Variants in CDK15 observed in about 807,000 individuals in gnomAD.
CDK15 encodes the protein cyclin dependent kinase 15, also known as cyclin-dependent kinase 15.
Under a neutral mutation model 60.3 loss-of-function variants are expected in CDK15, and 62 were observed. That is an observed-to-expected ratio of 1.03 (90% confidence interval 0.84 to 1.27). The LOEUF is 1.27. Ranked by LOEUF, CDK15 falls within the 50% of genes most tolerant of loss-of-function variation. The pLI is 0.00. For missense variants in CDK15, 541 were observed against 527.8 expected (o/e 1.03, Z -0.25); for synonymous variants, 194 against 195.7 (o/e 0.99, Z 0.07).
chr2:201,834,603 T>A (rs1236717108), intron 7 of CDK15, among the ~76,000 whole-genome samples: 2 of 152,164 alleles, frequency 1.3e-5, no homozygotes, highest in Non-Finnish European at 1.5e-5. Context: ...TATATATAGA[T>A]TTGCGTGATG....
intron 8 of CDK15, among the ~76,000 whole-genome samples, chr2:201,835,976 A>ATATT (rs1697006642): frequency 3.1e-5 from 1 of 32,564 alleles, no homozygotes; most frequent in East Asian, 5.0e-3. Context: ...TTATATATTT[A>ATATT]TATATTTTTA....
chr2:201,883,956 G>T lies in CDK15; in HGVS notation c.1198+3789G>T, dbSNP rs183453808. On this transcript the variant is annotated intron_variant, in intron 12 of 13. Coordinates refer to ENST00000652192, the MANE Select transcript of CDK15 (RefSeq NM_001366386.2). ...GTTTAATGATTTGGGGGTGGGGGTA[G>T]TAGGAAATCATTAAGCTGCCCCTTC... is the stretch of plus-strand genomic sequence containing the variant. Among the ~76,000 whole-genome samples the T allele has an allele frequency of 2.0e-5, 3 of 152,350 alleles. No homozygotes were observed. The East Asian group carries it at 5.8e-4, about 29-fold the overall frequency.
At chr2:201,840,985 C>T (rs978680915) in intron 8 of CDK15, among the ~76,000 whole-genome samples, 4 of 152,114 alleles carry the variant, frequency 2.6e-5, no homozygotes, top group African/African-American at 4.8e-5. Flanking sequence ...TGTAGAGCTC[C>T]AATGAAAGAC....
intron 12 of CDK15, chr2:201,888,387 G>A (rs1462314700): frequency 5.6e-5 from 84 of 1,510,358 alleles, no homozygotes; most frequent in Middle Eastern, 1.9e-4. Flanking sequence ...TTGTCCTGCC[G>A]ACTGTCTAGA....
intron 10 of CDK15, among the ~76,000 whole-genome samples, chr2:201,867,556 T>C (rs986810430): frequency 6.7e-6 from 1 of 149,834 alleles, no homozygotes; most frequent in Non-Finnish European, 1.5e-5. Context: ...GACCGGGAGG[T>C]CAAGGATGCA....
rs1699705195 is a variant in CDK15, at chr2:201,893,811, T to C, written c.*544T>C. On this transcript the variant is annotated 3_prime_UTR_variant, in exon 14 of 14. Coordinates refer to ENST00000652192, the MANE Select transcript of CDK15 (RefSeq NM_001366386.2). ...TAACAAAAGGACTTCCTGAGGACTA[T>C]TTATTATTATTTTGTAGGGGGCACT... 6.6e-6 allele frequency: 1 copy of C among 152,168 alleles called. No individual in the cohort carries two copies. Among genetic ancestry groups the C allele is most frequent in the Admixed American group, 6.6e-5 (1 of 15,264 alleles). 9.4% of individuals were successfully genotyped at this position (152,168 alleles called of 1,614,324 possible).
chr2:201,888,032 C>T (rs972994398), intron 12 of CDK15, among the ~76,000 whole-genome samples: 15 of 121,786 alleles, frequency 1.2e-4, no homozygotes, highest in African/African-American at 4.3e-4. Flanking sequence ...TAATTTTCAA[C>T]CTTTTTTTTT....
At chr2:201,853,329 GA>G (rs1369952847) in intron 9 of CDK15, among the ~76,000 whole-genome samples, 2 of 152,152 alleles carry the variant, frequency 1.3e-5, no homozygotes, top group African/African-American at 4.8e-5. Context: ...TGGGTGGCAT[GA>G]TTTTTTTATT....
chr2:201,845,158 GAA>G (rs10709292), intron 8 of CDK15, among the ~76,000 whole-genome samples: 59 of 149,694 alleles, frequency 3.9e-4, no homozygotes, highest in Non-Finnish European at 6.5e-4. Flanking sequence ...CAAAAAAAAA[GAA>G]AAAAAAAAAT....
At chr2:201,823,573 A>G (rs984770060) in intron 5 of CDK15, 92 bp from the exon 6 acceptor site, 2 of 1,143,312 alleles carry the variant, frequency 1.7e-6, no homozygotes, top group Non-Finnish European at 2.6e-6. Flanking sequence ...ACTTCGTAAT[A>G]CCTTCTGACA....
rs756847196 is a variant in CDK15, at chr2:201,835,685, C to T, written c.773C>T (p.Ser258Leu). The part of the protein sequence containing the change: ...AKSIPSQTYS[S>L]EVVTLWYRPP... ...TCCATTCCCAGCCAGACATACTCTT[C>T]AGAAGTCGTGACCCTCTGGTACCGG... Residue 258 changes from serine to leucine, a missense_variant, in exon 8 of 14, where the codon TCA becomes TTA. Coordinates refer to ENST00000652192, the MANE Select transcript of CDK15 (RefSeq NM_001366386.2). 1 of 1,611,652 alleles carries T rather than the reference C, an allele frequency of 6.2e-7. No homozygotes were observed. The highest frequency in any genetic ancestry group is 8.5e-7 in the Non-Finnish European group (1 of 1,178,568).
chr2:201,851,270 C>T (rs1022957991), intron 9 of CDK15, among the ~76,000 whole-genome samples: 2 of 111,196 alleles, frequency 1.8e-5, no homozygotes, highest in Non-Finnish European at 3.3e-5. Flanking sequence ...CCAGCCTGAG[C>T]AACAGAGTGA....
Position 201,890,890 on chromosome 2 carries a change from G to A in CDK15, c.1304G>A (p.Trp435Ter). 1 of 1,611,660 alleles carries A rather than the reference G, an allele frequency of 6.2e-7. No individual in the cohort carries two copies. The highest frequency in any genetic ancestry group is 1.1e-5 in the South Asian group (1 of 90,778). ...GHHPAQFSKCW is the reference protein window; with the variant it reads ...GHHPAQFSKC ...CACCCAGCCCAGTTTAGCAAATGCT[G>A]GTGAAAAGAAAGGGCGAGATCACCA... Residue 435 changes from tryptophan to a stop codon, truncating the protein, a stop_gained, in exon 13 of 14, where the codon TGG becomes TAG. Coordinates refer to ENST00000652192, the MANE Select transcript of CDK15 (RefSeq NM_001366386.2). LOFTEE classifies it high-confidence loss of function.
At chr2:201,891,969 A>G (rs1045592631) in intron 13 of CDK15, among the ~76,000 whole-genome samples, 3 of 152,128 alleles carry the variant, frequency 2.0e-5, no homozygotes, top group African/African-American at 7.2e-5. Flanking sequence ...TATCACTCAC[A>G]TGGCTGGATT....
At chr2:201,869,044 A>T (rs573037885) in intron 10 of CDK15, among the ~76,000 whole-genome samples, 2 of 152,208 alleles carry the variant, frequency 1.3e-5, no homozygotes, top group South Asian at 4.1e-4. Context: ...TACCCAAAGG[A>T]TTATAAATCA....
intron 4 of CDK15, among the ~76,000 whole-genome samples, chr2:201,819,205 G>A (rs549894700): frequency 2.0e-5 from 3 of 152,266 alleles, no homozygotes; most frequent in African/African-American, 7.2e-5. Context: ...AATGGTCAAG[G>A]AAGTCTGCAC....
chr2:201,812,674 A>G, intron 4 of CDK15, 112 bp downstream of exon 4: 5 of 518,130 alleles, frequency 9.7e-6, no homozygotes, highest in Non-Finnish European at 1.7e-5. Flanking sequence ...GGAATACTAT[A>G]ATTACATTTT....
In CDK15 at chr2:201,888,767, G is replaced by A. The variant is rs952681721; in HGVS notation, c.1199-2018G>A. 1.9e-5 allele frequency: 22 copies of A among 1,181,738 alleles called. No homozygotes were observed. The Admixed American group carries it at 2.1e-4, about 11-fold the overall frequency. The allele number at this position is 1,181,738 out of a possible 1,614,324, so 73.2% of individuals were successfully genotyped here. ...TTTTGAGGAGCTGCTGCTTTTGAGG[G>A]GCAAGGAAGCCGGAGGGAAATCCCA... On this transcript the variant is annotated intron_variant, in intron 12 of 13. Coordinates refer to ENST00000652192, the MANE Select transcript of CDK15 (RefSeq NM_001366386.2).
At chr2:201,879,191 C>T (rs1699185870) in intron 11 of CDK15, among the ~76,000 whole-genome samples, 1 of 152,164 alleles carries the variant, frequency 6.6e-6, no homozygotes, top group Non-Finnish European at 1.5e-5. Context: ...CTCTCTCTTC[C>T]TCTGCTCCAT....
Sources: gnomAD v4.1 joint callset for allele counts (sites outside exome capture counted in the v4.1 genomes callset) on GRCh38, gnomAD v4.1.1 for gene constraint, MANE v1.5 for transcripts, NCBI Gene and HGNC (gene_info 2026-07-23, HGNC 2026-07-21) for gene names.